Variants in GALNTL6 observed in about 807,000 individuals in gnomAD.
The protein encoded by GALNTL6 is polypeptide N-acetylgalactosaminyltransferase-like 6.
GALNTL6 carries 46 observed loss-of-function variants against 73.7 expected under a neutral mutation model. The ratio of observed to expected loss-of-function variants is 0.62; its 90% CI spans 0.49 to 0.80. The LOEUF is 0.80. Ranked by LOEUF, GALNTL6 falls within the 30% of genes least tolerant of loss-of-function variation. The pLI is 0.00. For synonymous variants in GALNTL6, 259 were observed against 263.7 expected (o/e 0.98, Z 0.17); for missense variants, 604 against 755.0 (o/e 0.80, Z 2.34).
intron 5 of GALNTL6, among the ~76,000 whole-genome samples, chr4:172,468,881 A>G (rs916775748): frequency 6.6e-6 from 1 of 152,152 alleles, no homozygotes. Context: ...TAGAGTTACA[A>G]CTCTACAAAC....
chr4:172,772,627 G>C (rs1251167908), intron 5 of GALNTL6, among the ~76,000 whole-genome samples: 1 of 152,000 alleles, frequency 6.6e-6, no homozygotes, highest in Non-Finnish European at 1.5e-5. Context: ...GCTCCAACTT[G>C]GTTCTTCTGT....
At chr4:172,640,074 C>T (rs1739900596) in intron 5 of GALNTL6, among the ~76,000 whole-genome samples, 1 of 152,056 alleles carries the variant, frequency 6.6e-6, no homozygotes, top group Non-Finnish European at 1.5e-5. Context: ...GTCCCCAATT[C>T]CTCTCCTTCT....
intron 5 of GALNTL6, among the ~76,000 whole-genome samples, chr4:172,513,330 A>C (rs1264057168): frequency 6.6e-6 from 1 of 151,972 alleles, no homozygotes; most frequent in African/African-American, 2.4e-5. Flanking sequence ...TACCTGTAGC[A>C]TTTTAAAATT....
At chr4:172,219,615 T>C (rs1274591169) in intron 2 of GALNTL6, among the ~76,000 whole-genome samples, 1 of 151,918 alleles carries the variant, frequency 6.6e-6, no homozygotes, top group African/African-American at 2.4e-5. Context: ...TTGAACAAGA[T>C]ACTTTAAATT....
intron 2 of GALNTL6, among the ~76,000 whole-genome samples, chr4:171,953,113 GA>G (rs1009444279): frequency 4.6e-5 from 7 of 151,890 alleles, no homozygotes; most frequent in African/African-American, 1.5e-4. Context: ...GAAAGGCAAT[GA>G]AAAAAAGGGC....
At chr4:172,633,062 A>T (rs1374745901) in intron 5 of GALNTL6, among the ~76,000 whole-genome samples, 1 of 152,200 alleles carries the variant, frequency 6.6e-6, no homozygotes, top group Non-Finnish European at 1.5e-5. Context: ...TGTTTGCTTC[A>T]AGGTCAGGGC....
At chr4:172,713,664 A>T (rs1305275337) in intron 5 of GALNTL6, among the ~76,000 whole-genome samples, 3 of 152,118 alleles carry the variant, frequency 2.0e-5, no homozygotes, top group Admixed American at 2.0e-4. Context: ...ATGGTCACTG[A>T]ATCATAGATT....
intron 3 of GALNTL6, among the ~76,000 whole-genome samples, chr4:172,260,012 C>G (rs939729086): frequency 4.7e-5 from 7 of 149,374 alleles, no homozygotes; most frequent in African/African-American, 1.5e-4. Context: ...TAACTATAAC[C>G]AAAGTGATGT....
chr4:172,094,758 G>C (rs1228939314), intron 2 of GALNTL6, among the ~76,000 whole-genome samples: 1 of 151,998 alleles, frequency 6.6e-6, no homozygotes, highest in Non-Finnish European at 1.5e-5. Context: ...ATTACACTAA[G>C]ATTATTAACG....
chr4:171,992,995 C>T (rs1364765911), intron 2 of GALNTL6, among the ~76,000 whole-genome samples: 2 of 151,256 alleles, frequency 1.3e-5, no homozygotes, highest in Non-Finnish European at 2.9e-5. Flanking sequence ...CTTTGTTTTG[C>T]TCTGACTCAT....
At chr4:172,115,763 C>A (rs890729653) in intron 2 of GALNTL6, among the ~76,000 whole-genome samples, 1 of 151,816 alleles carries the variant, frequency 6.6e-6, no homozygotes, top group Non-Finnish European at 1.5e-5. Flanking sequence ...TATCTTAGAA[C>A]ATTTTATAAT....
At chr4:171,841,397 A>G (rs1029425639) in intron 2 of GALNTL6, among the ~76,000 whole-genome samples, 2 of 152,306 alleles carry the variant, frequency 1.3e-5, no homozygotes, top group African/African-American at 4.8e-5. Flanking sequence ...GTAATAGAAA[A>G]CAATATGTTA....
chr4:172,999,360 A>G (rs989373606), intron 10 of GALNTL6, among the ~76,000 whole-genome samples: 3 of 152,058 alleles, frequency 2.0e-5, no homozygotes, highest in Admixed American at 1.3e-4. Flanking sequence ...ACACACACAC[A>G]CGAAAAACCT....
chr4:172,253,104 AAAT>A (rs1042982888), intron 3 of GALNTL6, among the ~76,000 whole-genome samples: 1 of 152,020 alleles, frequency 6.6e-6, no homozygotes, highest in Non-Finnish European at 1.5e-5. Context: ...TTTGGTAATA[AAAT>A]AATAAGCATT....
At chr4:172,087,583 T>C (rs1732086584) in intron 2 of GALNTL6, among the ~76,000 whole-genome samples, 1 of 152,050 alleles carries the variant, frequency 6.6e-6, no homozygotes, top group African/African-American at 2.4e-5. Context: ...CAGAAAAGCA[T>C]ATGTAGTATG....
intron 10 of GALNTL6, among the ~76,000 whole-genome samples, chr4:172,985,048 A>G (rs545187547): frequency 2.0e-4 from 31 of 152,308 alleles, no homozygotes; most frequent in Admixed American, 3.3e-4. Flanking sequence ...GCTCTAAAAA[A>G]TAAACCAGGC....
intron 7 of GALNTL6, among the ~76,000 whole-genome samples, chr4:172,825,057 T>TTTC (rs1553992639): frequency 9.5e-5 from 1 of 10,542 alleles, no homozygotes; most frequent in Non-Finnish European, 1.1e-3. Flanking sequence ...TTCTTTTTTC[T>TTTC]TTTTTTTTTT....
At chr4:172,891,763 C>G (rs1184737201) in intron 8 of GALNTL6, among the ~76,000 whole-genome samples, 1 of 152,236 alleles carries the variant, frequency 6.6e-6, no homozygotes, top group East Asian at 1.9e-4. Context: ...TCTTCTCTCT[C>G]GGGAATACCA....
chr4:172,266,501 A>G (rs1434166663), intron 3 of GALNTL6, among the ~76,000 whole-genome samples: 1 of 152,138 alleles, frequency 6.6e-6, no homozygotes, highest in Non-Finnish European at 1.5e-5. Flanking sequence ...AATATTTATA[A>G]CTAGGTTAAA....
Sources: gnomAD v4.1 joint callset for allele counts (sites outside exome capture counted in the v4.1 genomes callset) on GRCh38, gnomAD v4.1.1 for gene constraint, MANE v1.5 for transcripts, NCBI Gene and HGNC (gene_info 2026-07-23, HGNC 2026-07-21) for gene names.